FBXO9: variants seen among roughly 807,000 people sequenced by gnomAD.
FBXO9 encodes F-box only protein 9.
FBXO9 carries 43 observed loss-of-function variants against 63.7 expected under a neutral mutation model. That is an observed-to-expected ratio of 0.67 (90% CI 0.53 to 0.87). FBXO9 has a LOEUF of 0.87. Ranked by LOEUF, FBXO9 falls within the 40% of genes least tolerant of loss-of-function variation. The probability of loss-of-function intolerance (pLI) is 0.00; values close to 1 mark genes in which losing one functional copy is unlikely to be tolerated. For synonymous variants in FBXO9, 156 were observed against 171.7 expected (o/e 0.91, Z 0.72); for missense variants, 442 against 533.2 (o/e 0.83, Z 1.68).
chr6:53,078,911 T>C lies in FBXO9; in HGVS notation c.407+13T>C. 1 of 1,588,786 alleles carries C rather than the reference T, an allele frequency of 6.3e-7. No individual in the cohort carries two copies. The highest frequency in any genetic ancestry group is 8.6e-7 in the Non-Finnish European group (1 of 1,157,016). On this transcript the variant is annotated intron_variant, in intron 5 of 12. Coordinates refer to ENST00000323557, the MANE Select transcript of FBXO9 (RefSeq NM_033480.3). ...TTGGAAACAGCTAGTGCGTATATAATTTGATAGATAGTAATGCATAGAGTT... is the reference window on the plus strand; with the variant it reads ...TTGGAAACAGCTAGTGCGTATATAACTTGATAGATAGTAATGCATAGAGTT...
Position 53,065,639 on chromosome 6 carries a change from G to A in FBXO9, c.-151G>A. 3.2e-6 allele frequency: 3 copies of A among 934,656 alleles called. No homozygotes were observed. Among genetic ancestry groups the A allele is most frequent in the South Asian group, 3.3e-5 (1 of 30,156 alleles). The allele number at this position is 934,656 out of a possible 1,614,324, so 57.9% of individuals were successfully genotyped here. A position where few individuals can be genotyped will look rare whatever the true frequency, so the allele number is the denominator to read the frequency against. ...CGCCGGGCCCGCAGTTATTGCCGCT[G>A]CCTGGTGCGCTTCTCCGACCGAGAA... On this transcript the variant is annotated 5_prime_UTR_variant, in exon 1 of 13. Coordinates refer to ENST00000323557, the MANE Select transcript of FBXO9 (RefSeq NM_033480.3).
Position 53,098,703 on chromosome 6 carries a change from C to A in FBXO9, c.*873C>A, listed in dbSNP as rs1021160011. ...TATATGACATTAAGTGAGAGTGAAT[C>A]CCTTAGGACTGGAACACTTCAAGCT... On this transcript the variant is annotated 3_prime_UTR_variant, in exon 13 of 13. Transcript: ENST00000323557. The A allele has an allele frequency of 6.6e-6, 1 of 152,172 alleles. No individual in the cohort carries two copies. The highest frequency in any genetic ancestry group is 2.4e-5 in the African/African-American group (1 of 41,440). The allele number at this position is 152,172 out of a possible 1,614,324, so 9.4% of individuals were successfully genotyped here.
chr6:53,068,634 C>T (rs576545631), intron 1 of FBXO9, among the ~76,000 whole-genome samples: 10 of 119,262 alleles, frequency 8.4e-5, no homozygotes, highest in Admixed American at 1.2e-4. Flanking sequence ...CATCATCTTA[C>T]GGAATATATA....
In FBXO9 at chr6:53,082,545, G is replaced by A. The variant is rs1769349908; in HGVS notation, c.580G>A (p.Val194Met). ...EVLMYIFRWV[V>M]SSDLDLRSLE... ...CCTGATGTACATCTTCCGATGGGTGGTGTCTAGTGACTTGGACCTCAGATC... is the reference window on the plus strand; with the variant it reads ...CCTGATGTACATCTTCCGATGGGTGATGTCTAGTGACTTGGACCTCAGATC... Residue 194 changes from valine (V) to methionine (M), a missense_variant, in exon 7 of 13, where the codon GTG becomes ATG. Around this residue, in one of 2 missense-constraint regions of FBXO9, gnomAD observed 262 missense variants for 362.1 expected, o/e 0.72. Coordinates refer to ENST00000323557, the MANE Select transcript of FBXO9 (RefSeq NM_033480.3). 6.2e-7 allele frequency: 1 copy of A among 1,613,694 alleles called. No homozygotes were observed. The highest frequency in any genetic ancestry group is 1.7e-5 in the Admixed American group (1 of 59,996).
At position 53,097,880 on chromosome 6, in the gene FBXO9, C is replaced by T. The variant is rs529110589; in HGVS notation, c.*50C>T. The T allele has an allele frequency of 1.2e-5, 10 of 855,810 alleles. No homozygotes were observed. Among genetic ancestry groups the T allele is most frequent in the African/African-American group, 5.9e-5 (3 of 50,756 alleles). The allele number at this position is 855,810 out of a possible 1,614,324, so 53.0% of individuals were successfully genotyped here. A position where few individuals can be genotyped will look rare whatever the true frequency, so the allele number is the denominator to read the frequency against. ...CTTTTGCATGAATTAAAGTATATAG[C>T]GCAAAAGAGCACCTAAGTTATAAAT... is the stretch of plus-strand genomic sequence containing the variant. On this transcript the variant is annotated 3_prime_UTR_variant, in exon 13 of 13. Coordinates refer to ENST00000323557, the MANE Select transcript of FBXO9 (RefSeq NM_033480.3).
chr6:53,097,685 T>A, intron 12 of FBXO9, 37 bp from the exon 13 acceptor site: 1 of 1,233,062 alleles, frequency 8.1e-7, no homozygotes, highest in Non-Finnish European at 1.2e-6. Context: ...GAATTGAAAT[T>A]TCCTCATACT....
At chr6:53,089,051 C>T (rs1432064981) in intron 7 of FBXO9, among the ~76,000 whole-genome samples, 1 of 150,966 alleles carries the variant, frequency 6.6e-6, no homozygotes, top group African/African-American at 2.4e-5. Flanking sequence ...CTCTGTAGCC[C>T]TAGTGGGGTT....
chr6:53,095,045 A>G (rs541448260), intron 11 of FBXO9, among the ~76,000 whole-genome samples: 85 of 152,230 alleles, frequency 5.6e-4, no homozygotes, highest in African/African-American at 2.0e-3. Context: ...CATTTATTTT[A>G]CTGTTATTGC....
At chr6:53,093,074 G>A (rs369857612) in intron 9 of FBXO9, 1 of 414,390 alleles carries the variant, frequency 2.4e-6, no homozygotes, top group East Asian at 3.7e-5. Context: ...CAAATAGCTT[G>A]TGCTTTTATT....
intron 7 of FBXO9, among the ~76,000 whole-genome samples, chr6:53,089,303 C>G (rs1329968877): frequency 1.3e-5 from 2 of 152,038 alleles, no homozygotes; most frequent in Non-Finnish European, 2.9e-5. Context: ...TCTCGATCTC[C>G]TGACCTCGTG....
chr6:53,075,047 C>A (rs527356680), intron 3 of FBXO9, among the ~76,000 whole-genome samples: 1 of 152,226 alleles, frequency 6.6e-6, no homozygotes, highest in Admixed American at 6.5e-5. Context: ...TCTAGAGTAT[C>A]TTATATTAAG....
chr6:53,097,760 A>T lies in FBXO9; in HGVS notation c.1244A>T (p.Asp415Val), dbSNP rs1763250778. 1 of 1,607,058 alleles carries T rather than the reference A, an allele frequency of 6.2e-7. No individual in the cohort carries two copies. ...ACTGCAGTCAGTGCTTTTGAGATTG[A>T]CAAGATGTACACCCCCTTGTTCTTC... ...GETAVSAFEI[D>V]KMYTPLFFAR... The change falls in exon 13 of 13, where the codon GAC becomes GTC. Residue 415 changes from aspartate (D) to valine (V), a missense_variant. Asp to Val is a radical substitution (Grantham distance 152, BLOSUM62 -3). Coordinates refer to ENST00000323557, the MANE Select transcript of FBXO9 (RefSeq NM_033480.3).
chr6:53,069,273 T>C (rs1421540607), intron 1 of FBXO9, among the ~76,000 whole-genome samples: 2 of 152,372 alleles, frequency 1.3e-5, no homozygotes, highest in Admixed American at 6.5e-5. Context: ...TATCAAGTTA[T>C]ATCTGATTGG....
chr6:53,093,251 A>C, intron 9 of FBXO9: 1 of 453,226 alleles, frequency 2.2e-6, no homozygotes, highest in Non-Finnish European at 3.9e-6. Flanking sequence ...AAAGTTCAAC[A>C]GTTTCCCCTG....
intron 3 of FBXO9, among the ~76,000 whole-genome samples, chr6:53,075,136 AATTTATTT>A (rs1364313487): frequency 6.6e-6 from 1 of 151,694 alleles, no homozygotes; most frequent in Non-Finnish European, 1.5e-5. Flanking sequence ...TAATTTAATT[AATTTATTT>A]ATTTATTTTA....
rs547807030 is a variant in FBXO9 at position 53,077,245 on chromosome 6, C to T, written c.307+702C>T. ...ATCCCAGCACTTTGGGAGGCCGAGGCGGGCGGATCACGAGGTCAGGAGATC... is the reference window on the plus strand; with the variant it reads ...ATCCCAGCACTTTGGGAGGCCGAGGTGGGCGGATCACGAGGTCAGGAGATC... On this transcript the variant is annotated intron_variant, in intron 4 of 12. Coordinates refer to ENST00000323557, the MANE Select transcript of FBXO9 (RefSeq NM_033480.3). Among the ~76,000 whole-genome samples, 205 of 151,944 alleles carry T rather than the reference C, an allele frequency of 1.3e-3. 1 individual carries two copies. Among genetic ancestry groups the T allele is most frequent in the African/African-American group, 4.3e-3 (177 of 41,488 alleles).
intron 6 of FBXO9, 115 bp from the exon 7 acceptor site, chr6:53,082,389 G>C: frequency 1.7e-6 from 1 of 593,430 alleles, no homozygotes; most frequent in Non-Finnish European, 3.0e-6. Context: ...TTAGCTCTGA[G>C]CAATACAGAG....
At chr6:53,066,084 C>A in intron 1 of FBXO9, 1 of 1,205,376 alleles carries the variant, frequency 8.3e-7, no homozygotes, top group Non-Finnish European at 1.0e-6. Flanking sequence ...TCTCGGCTCA[C>A]TGAGTATATT....
intron 4 of FBXO9, 56 bp from the exon 5 acceptor site, chr6:53,078,743 A>G: frequency 7.4e-7 from 1 of 1,345,040 alleles, no homozygotes; most frequent in Non-Finnish European, 1.1e-6. Flanking sequence ...AGGGTAATCA[A>G]AGGAAATGAC....
Sources: allele counts gnomAD v4.1 joint callset (sites outside exome capture counted in the v4.1 genomes callset), GRCh38; gene constraint gnomAD v4.1.1; regional missense constraint gnomAD v4.1.1; transcripts MANE v1.5; gene names NCBI Gene and HGNC (gene_info 2026-07-23, HGNC 2026-07-21).